The following MKI67 variants were observed in gnomAD, a reference collection of about 807,000 sequenced individuals.
MKI67 encodes marker of proliferation Ki-67.
A neutral mutation model predicts 233.5 loss-of-function variants in MKI67; 152 were observed. The observed-to-expected ratio is 0.65, with a 90% confidence interval of 0.57 to 0.74. The LOEUF is 0.74. Among genes scored for constraint, MKI67 ranks in the 30% least tolerant of loss-of-function variants. The pLI is 0.00. For missense variants in MKI67, 3,940 were observed against 3,885.2 expected, an observed-to-expected ratio of 1.01 and a Z score of -0.37; for synonymous variants, 1,465 against 1,418.5, an observed-to-expected ratio of 1.03 and a Z score of -0.74.
chr10:128,106,544 C>T lies in MKI67; in HGVS notation c.5296G>A (p.Glu1766Lys). 1.2e-6 allele frequency: 2 copies of T among 1,614,096 alleles called. No individual in the cohort carries two copies. The highest frequency in any genetic ancestry group is 1.7e-6 in the Non-Finnish European group (2 of 1,179,984). The change falls in exon 13 of 15, where the codon GAA (glutamate) becomes AAA (lysine). Residue 1766 changes from glutamate (E) to lysine (K), a missense_variant. Glu to Lys is a moderately conservative substitution (Grantham distance 56). Coordinates refer to ENST00000368654, the MANE Select transcript of MKI67 (RefSeq NM_002417.5). The stretch of plus-strand genomic sequence containing the variant: ...TGTTTCCTAAATGCTAAAAATTCTT[C>T]TTCAGTGTCTGCTTTCCTGAGACTT... ...KRSLRKADTE[E>K]EFLAFRKQTP...
rs921704938 is a variant in MKI67, at chr10:128,125,421, A to C, written c.92+155T>G. On this transcript the variant is annotated intron_variant, in intron 2 of 14. Coordinates refer to ENST00000368654, the MANE Select transcript of MKI67 (RefSeq NM_002417.5). The surrounding 1 kb of genome is among the most constrained non-coding windows in gnomAD (Gnocchi z 5.3). ...CAAATTTATACTTACAAAACAAAAA[A>C]ACACAACTATGTCAACTTAGTAACG... Among the ~76,000 whole-genome samples, 2 of 152,224 alleles carry C rather than the reference A, an allele frequency of 1.3e-5. No individual in the cohort carries two copies. The highest frequency in any genetic ancestry group is 1.5e-5 in the Non-Finnish European group (1 of 68,040).
In MKI67 at chr10:128,108,780, G is replaced by T. The variant is rs1252125524; in HGVS notation, c.3060C>A (p.His1020Gln). Residue 1020 changes from histidine to glutamine, a missense_variant, in exon 13 of 15, where the codon CAC (histidine) becomes CAA (glutamine). His to Gln is a conservative substitution (Grantham distance 24). Coordinates refer to ENST00000368654, the MANE Select transcript of MKI67 (RefSeq NM_002417.5). Reference sequence around the variant, plus strand: ...GGGATGCCTTCAACTGTTGTTTTGTGTGTGTTGGGGTGTTTATTGGTTCTG... The same window carrying T: ...GGGATGCCTTCAACTGTTGTTTTGTTTGTGTTGGGGTGTTTATTGGTTCTG... ...LQPEPINTPT[H>Q]TKQQLKASLG... is the part of the protein sequence containing the mutation. 5 of 1,614,216 alleles carry T rather than the reference G, an allele frequency of 3.1e-6. No individual in the cohort carries two copies. The Admixed American group carries it at 8.3e-5, about 27-fold the overall frequency.
In MKI67 at chr10:128,106,794, C is replaced by G. The variant is rs1446386319; in HGVS notation, c.5046G>C (p.Gln1682His). The G allele has an allele frequency of 1.7e-5, 27 of 1,613,996 alleles. No individual in the cohort carries two copies. Among genetic ancestry groups the G allele is most frequent in the Non-Finnish European group, 2.3e-5 (27 of 1,180,038 alleles). Residue 1682 changes from glutamine to histidine, a missense_variant, in exon 13 of 15, where the codon CAG (glutamine) becomes CAC (histidine). Transcript: ENST00000368654. ...SMKAFMESPKQILDSAASLTG... is the reference protein window; with the variant it reads ...SMKAFMESPKHILDSAASLTG... ...TTAGACTTGCTGCTGAGTCTAAGAT[C>G]TGCTTTGGAGACTCCATAAATGCTT...
At chr10:128,121,727 CATT>C (rs1416068237) in intron 4 of MKI67, among the ~76,000 whole-genome samples, 2 of 150,986 alleles carry the variant, frequency 1.3e-5, no homozygotes, top group Non-Finnish European at 2.9e-5. Context: ...AAAGACTAGA[CATT>C]AGTCAAATGT....
At chr10:128,126,025 C>G (rs531072683) in intron 1 of MKI67, 74 bp downstream of exon 1, 1 of 299,190 alleles carries the variant, frequency 3.3e-6, no homozygotes, top group South Asian at 3.1e-5. Context: ...TGCCCGTCCC[C>G]GCAGAGCTCG....
Position 128,105,763 on chromosome 10 carries a change from G to A in MKI67, c.6077C>T (p.Thr2026Ile). 1 of 1,614,068 alleles carries A rather than the reference G, an allele frequency of 6.2e-7. No homozygotes were observed. The highest frequency in any genetic ancestry group is 8.5e-7 in the Non-Finnish European group (1 of 1,180,024). Reference protein sequence around the residue: ...GKLTQTSGKTTQTHRETAGDG... With the variant: ...GKLTQTSGKTIQTHRETAGDG... ...TCCTGCTGTCTCTCTGTGTGTCTGT[G>A]TGGTCTTCCCTGACGTCTGTGTGAG... The change falls in exon 13 of 15, where the codon ACA becomes ATA. Residue 2026 changes from threonine (T) to isoleucine (I), a missense_variant. Transcript: ENST00000368654.
Position 128,113,415 on chromosome 10 carries a change from T to G in MKI67, c.1656+12A>C. 6.2e-7 allele frequency: 1 copy of G among 1,613,894 alleles called. No individual in the cohort carries two copies. The highest frequency in any genetic ancestry group is 8.5e-7 in the Non-Finnish European group (1 of 1,179,772). On this transcript the variant is annotated intron_variant, in intron 8 of 14. Transcript: ENST00000368654. Reference sequence around the variant, plus strand: ...CACTGGGCGTGAATGGGATGCTGCTTGTTCAACTCACCTTGATGATTTTCT... The same window carrying G: ...CACTGGGCGTGAATGGGATGCTGCTGGTTCAACTCACCTTGATGATTTTCT...
rs908571807 is a variant in MKI67 at position 128,125,963 on chromosome 10, C to T, written c.-90+136G>A. 2 of 424,054 alleles carry T rather than the reference C, an allele frequency of 4.7e-6. No individual in the cohort carries two copies. The highest frequency in any genetic ancestry group is 8.7e-6 in the Non-Finnish European group (2 of 228,970). 26.3% of individuals were successfully genotyped at this position (424,054 alleles called of 1,614,324 possible). A position where few individuals can be genotyped will look rare whatever the true frequency, so the allele number is the denominator to read the frequency against. Reference sequence around the variant, plus strand: ...CGCCTCCTGGGAGCTTCCACCGAGACGCCCTCGCCAGAGCCCAGGAGGAGT... The same window carrying T: ...CGCCTCCTGGGAGCTTCCACCGAGATGCCCTCGCCAGAGCCCAGGAGGAGT... On this transcript the variant is annotated intron_variant, in intron 1 of 14. Coordinates refer to ENST00000368654, the MANE Select transcript of MKI67 (RefSeq NM_002417.5). This position sits in a 1 kb window ranked among gnomAD's most constrained non-coding sequence, Gnocchi z 5.3.
At position 128,111,882 on chromosome 10, in the gene MKI67, G is replaced by A. The variant is rs573128353; in HGVS notation, c.2088+45C>T. 7.9e-4 allele frequency: 1,267 copies of A among 1,604,152 alleles called. 18 individuals carry two copies. In the South Asian group the frequency reaches 0.012, roughly 15 times the overall value. ...TAAATCCACACTGAATGCAAGCTTCGATGACACCGGTATGTGTAAAGCAGC... is the reference window on the plus strand; with the variant it reads ...TAAATCCACACTGAATGCAAGCTTCAATGACACCGGTATGTGTAAAGCAGC... On this transcript the variant is annotated intron_variant, in intron 10 of 14. Coordinates refer to ENST00000368654, the MANE Select transcript of MKI67 (RefSeq NM_002417.5).
chr10:128,109,546 G>GTAGCCTCATGTC, intron 12 of MKI67, 123 bp from the exon 13 acceptor site: 2 of 1,017,188 alleles, frequency 2.0e-6, no homozygotes, highest in Non-Finnish European at 2.8e-6. Flanking sequence ...AACGACATGA[G>GTAGCCTCATGTC]GCTACTTATG....
rs944069338 is a variant in MKI67 at position 128,113,002 on chromosome 10, C to T, written c.1656+425G>A. Among the ~76,000 whole-genome samples the T allele has an allele frequency of 1.3e-5, 2 of 152,196 alleles. 1 individual carries two copies. Among genetic ancestry groups the T allele is most frequent in the South Asian group, 4.1e-4 (2 of 4,834 alleles). On this transcript the variant is annotated intron_variant, in intron 8 of 14. Transcript: ENST00000368654. Reference sequence around the variant, plus strand: ...GCTGAAGGTGTAAAAGGAAGATGTGCCATTGATTTTCCTTCACACCAGGTA... The same window carrying T: ...GCTGAAGGTGTAAAAGGAAGATGTGTCATTGATTTTCCTTCACACCAGGTA...
Position 128,106,622 on chromosome 10 carries a change from A to C in MKI67, c.5218T>G (p.Ser1740Ala). 1 of 1,614,072 alleles carries C rather than the reference A, an allele frequency of 6.2e-7. No individual in the cohort carries two copies. Among genetic ancestry groups the C allele is most frequent in the Non-Finnish European group, 8.5e-7 (1 of 1,180,018 alleles). ...EKTTKVSYRA[S>A]QPDLVDTPTS... is the part of the protein sequence containing the mutation. ...GGGGTGTCCACTAGGTCTGGCTGTG[A>C]AGCTCTGTAGGATACTTTGGTAGTT... Residue 1740 changes from serine (S) to alanine (A), a missense_variant, in exon 13 of 15, where the codon TCA becomes GCA. Ser to Ala is a moderately conservative substitution (Grantham distance 99). Transcript: ENST00000368654.
rs1330106738 is a variant in MKI67 at position 128,097,521 on chromosome 10, C to A, written c.*1669G>T. ...CTACTAAACAGAATATTCCACTCCA[C>A]AGGCATATGGCTGGATGAAATTTTT... On this transcript the variant is annotated 3_prime_UTR_variant, in exon 15 of 15. Coordinates refer to ENST00000368654, the MANE Select transcript of MKI67 (RefSeq NM_002417.5). The A allele has an allele frequency of 6.6e-6, 1 of 152,186 alleles. No individual in the cohort carries two copies. Among genetic ancestry groups the A allele is most frequent in the East Asian group, 1.9e-4 (1 of 5,196 alleles). 9.4% of individuals were successfully genotyped at this position (152,186 alleles called of 1,614,324 possible). A position where few individuals can be genotyped will look rare whatever the true frequency, so the allele number is the denominator to read the frequency against.
At position 128,103,743 on chromosome 10, in the gene MKI67, G is replaced by A; in HGVS notation, c.8097C>T (p.Gly2699=). ...ATTCGCAGGGTATTTTAGTGGCTTT[G>A]CCAGCAGTCAGTGATTCCTGAGTGT... The part of the protein sequence containing the change: ...SGHTQESLTA[G]KATKIPCESP... The change falls in exon 13 of 15, where the codon GGC becomes GGT. Residue 2699 remains glycine, a synonymous_variant. Transcript: ENST00000368654. The A allele has an allele frequency of 6.2e-7, 1 of 1,613,994 alleles. No individual in the cohort carries two copies.
chr10:128,116,637 T>C, intron 5 of MKI67, 101 bp from the exon 6 acceptor site: 5 of 1,158,850 alleles, frequency 4.3e-6, no homozygotes, highest in Non-Finnish European at 6.4e-6. Flanking sequence ...CTGGGCATGA[T>C]GGCTCATGCC....
In MKI67 at chr10:128,119,230, C is replaced by T. The variant is rs1170183586; in HGVS notation, c.354+23G>A. The T allele has an allele frequency of 1.9e-6, 3 of 1,554,902 alleles. No homozygotes were observed. The Admixed American group carries it at 5.1e-5, about 26-fold the overall frequency. Reference sequence around the variant, plus strand: ...TTCATATCATCGAAACGAATCAGCCCAAACTTGGATATTTTCTATCACCTG... The same window carrying T: ...TTCATATCATCGAAACGAATCAGCCTAAACTTGGATATTTTCTATCACCTG... On this transcript the variant is annotated intron_variant, in intron 5 of 14. Transcript: ENST00000368654.
At chr10:128,114,818 C>T (rs75222497) in intron 7 of MKI67, 110 bp downstream of exon 7, 25,040 of 1,123,280 alleles carry the variant, frequency 0.022, 358 homozygotes, top group Non-Finnish European at 0.026. Flanking sequence ...GCCTTATGTG[C>T]TTACATTCTC....
In MKI67 at chr10:128,101,457, A is replaced by G; in HGVS notation, c.9506T>C (p.Val3169Ala). The change falls in exon 14 of 15, where the codon GTG (valine) becomes GCG (alanine). Residue 3169 changes from valine (V) to alanine (A), a missense_variant. Transcript: ENST00000368654. Reference protein sequence around the residue: ...ARQNESSQPKVAEESGGQKSA... With the variant: ...ARQNESSQPKAAEESGGQKSA... ...CTTCTGCCCTCCGCTCTCCTCTGCC[A>G]CCTTAGGCTGGGAGCTCTCATTCTG... 1.2e-6 allele frequency: 2 copies of G among 1,614,082 alleles called. No individual in the cohort carries two copies. The highest frequency in any genetic ancestry group is 1.7e-6 in the Non-Finnish European group (2 of 1,180,028).
rs544419165 is a variant in MKI67, at chr10:128,098,857, G to A, written c.*333C>T. 2.1e-5 allele frequency: 4 copies of A among 192,228 alleles called. No homozygotes were observed. The South Asian group carries it at 4.0e-4, about 19-fold the overall frequency. The allele number at this position is 192,228 out of a possible 1,614,324, so 11.9% of individuals were successfully genotyped here. On this transcript the variant is annotated 3_prime_UTR_variant, in exon 15 of 15. Coordinates refer to ENST00000368654, the MANE Select transcript of MKI67 (RefSeq NM_002417.5). ...TGGAGGACATAGGCAAACAAACGAC[G>A]ACACAGTGTGGCAAGTGTCACAGTT...
Sources: gnomAD v4.1 joint callset for allele counts (sites outside exome capture counted in the v4.1 genomes callset) on GRCh38, gnomAD v4.1.1 for gene constraint, Gnocchi (gnomAD v3.1) non-coding constraint, MANE v1.5 for transcripts, NCBI Gene and HGNC (gene_info 2026-07-23, HGNC 2026-07-21) for gene names.